The following SCRG1 variants were observed in gnomAD, a reference collection of about 807,000 sequenced individuals.
SCRG1 encodes stimulator of chondrogenesis 1.
SCRG1 carries 3 observed loss-of-function variants against 7.7 expected under a neutral mutation model. The observed-to-expected ratio is 0.39, with a 90% CI of 0.18 to 1.01. SCRG1 has a LOEUF of 1.01. SCRG1 is among the 50% of genes least tolerant of loss of function. The probability of loss-of-function intolerance (pLI) is 0.36; values close to 1 mark genes in which losing one functional copy is unlikely to be tolerated. For synonymous variants in SCRG1, 46 were observed against 41.2 expected, an observed-to-expected ratio of 1.12 and a Z score of -0.44; for missense variants, 110 against 117.2, an observed-to-expected ratio of 0.94 and a Z score of 0.28.
the SCRG1 span, among the ~76,000 whole-genome samples, chr4:173,504,266 T>C: frequency 5.3e-5 from 8 of 152,226 alleles, no homozygotes; most frequent in African/African-American, 1.9e-4. The surrounding 1 kb of genome is among the most constrained non-coding windows in gnomAD (Gnocchi z 4.7). Context: ...TCACCAGGGA[T>C]GGCAAGGAGC....
the SCRG1 span, among the ~76,000 whole-genome samples, chr4:173,458,875 C>A: frequency 6.6e-6 from 1 of 152,030 alleles, no homozygotes; most frequent in Non-Finnish European, 1.5e-5. Context: ...AAACTCACTT[C>A]ACTTATAAAG....
the SCRG1 span, among the ~76,000 whole-genome samples, chr4:173,434,833 A>G: frequency 6.6e-5 from 10 of 152,120 alleles, no homozygotes; most frequent in Admixed American, 2.0e-4. Context: ...TCCGTCTCTA[A>G]ATAAATAAAT....
At chr4:173,434,816 G>A in the SCRG1 span, among the ~76,000 whole-genome samples, 1 of 152,188 alleles carries the variant, frequency 6.6e-6, no homozygotes, top group African/African-American at 2.4e-5. Flanking sequence ...GGGCAACAGA[G>A]TGAGACTCCG....
chr4:173,413,522 C>G, the SCRG1 span, among the ~76,000 whole-genome samples: 1 of 152,154 alleles, frequency 6.6e-6, no homozygotes, highest in East Asian at 1.9e-4. Context: ...ATCAGAGGAG[C>G]TAATAAGAAC....
chr4:173,495,069 G>A, the SCRG1 span, among the ~76,000 whole-genome samples: 1 of 152,194 alleles, frequency 6.6e-6, no homozygotes, highest in African/African-American at 2.4e-5. Context: ...ATGAAAAATA[G>A]GGAAAACAGG....
At chr4:173,500,412 G>A in the SCRG1 span, among the ~76,000 whole-genome samples, 1 of 152,172 alleles carries the variant, frequency 6.6e-6, no homozygotes, top group African/African-American at 2.4e-5. Context: ...ACGGGCGAAG[G>A]AGATGCCCAT....
the SCRG1 span, among the ~76,000 whole-genome samples, chr4:173,470,672 C>T: frequency 6.6e-6 from 1 of 152,270 alleles, no homozygotes; most frequent in Non-Finnish European, 1.5e-5. Flanking sequence ...AATTAAGTAA[C>T]TTGATTTGTT....
chr4:173,517,508 A>G, the SCRG1 span, among the ~76,000 whole-genome samples: 3 of 152,154 alleles, frequency 2.0e-5, no homozygotes, highest in South Asian at 6.2e-4. Context: ...GGGCTGAAAT[A>G]AGGGGTTCAC....
the SCRG1 span, among the ~76,000 whole-genome samples, chr4:173,470,852 T>C: frequency 3.3e-5 from 5 of 152,226 alleles, no homozygotes; most frequent in Admixed American, 3.3e-4. Context: ...GAAAACATTT[T>C]AAAAATTCCT....
the SCRG1 span, among the ~76,000 whole-genome samples, chr4:173,440,127 G>T: frequency 6.6e-6 from 1 of 152,140 alleles, no homozygotes; most frequent in Non-Finnish European, 1.5e-5. Flanking sequence ...AAGCGCTACA[G>T]GTTTCTTTTT....
chr4:173,506,057 A>G, the SCRG1 span, among the ~76,000 whole-genome samples: 88 of 152,294 alleles, frequency 5.8e-4, no homozygotes, highest in African/African-American at 1.9e-3. The surrounding 1 kb of genome is among the most constrained non-coding windows in gnomAD (Gnocchi z 5.3). Flanking sequence ...CTCAATTTAG[A>G]TGGTGTGAGT....
the SCRG1 span, among the ~76,000 whole-genome samples, chr4:173,493,172 G>C: frequency 6.6e-6 from 1 of 152,066 alleles, no homozygotes; most frequent in African/African-American, 2.4e-5. Context: ...ACATGTCAGG[G>C]GAGGGGCTTG....
the SCRG1 span, among the ~76,000 whole-genome samples, chr4:173,444,029 A>G: frequency 4.0e-5 from 6 of 149,458 alleles, no homozygotes; most frequent in South Asian, 4.2e-4. Flanking sequence ...GCTGGAGTGC[A>G]ATGGTGTGAT....
chr4:173,476,178 TG>T, the SCRG1 span, among the ~76,000 whole-genome samples: 1 of 151,300 alleles, frequency 6.6e-6, no homozygotes, highest in East Asian at 1.9e-4. Context: ...GTTTTGCCCT[TG>T]GTACCAAAAT....
intron 2 of SCRG1, among the ~76,000 whole-genome samples, chr4:173,390,620 A>C (rs1001092596): frequency 6.6e-6 from 1 of 151,832 alleles, no homozygotes; most frequent in African/African-American, 2.4e-5. Context: ...TTACAGGCAC[A>C]TGCCACCACG....
intron 2 of SCRG1, among the ~76,000 whole-genome samples, chr4:173,390,461 TG>T (rs1321827634): frequency 6.6e-6 from 1 of 151,238 alleles, no homozygotes. Flanking sequence ...AGTTTTTTGT[TG>T]TTGTTGTTCG....
the SCRG1 span, among the ~76,000 whole-genome samples, chr4:173,501,325 G>C: frequency 1.3e-5 from 2 of 152,210 alleles, no homozygotes; most frequent in African/African-American, 4.8e-5. The surrounding 1 kb of genome is among the most constrained non-coding windows in gnomAD (Gnocchi z 5.1). Flanking sequence ...CTCTAGTCAC[G>C]GTCAAGCCCT....
chr4:173,420,215 T>G, the SCRG1 span: 1 of 341,668 alleles, frequency 2.9e-6, no homozygotes, highest in Non-Finnish European at 5.6e-6. Context: ...AGGGCCCTTT[T>G]CTGTACTTTT....
the SCRG1 span, among the ~76,000 whole-genome samples, chr4:173,432,903 CT>C: frequency 6.6e-6 from 1 of 152,098 alleles, no homozygotes; most frequent in East Asian, 1.9e-4. Context: ...AGCTGGTGGT[CT>C]TTGTTATAGC....
Sources: allele counts gnomAD v4.1 joint callset (sites outside exome capture counted in the v4.1 genomes callset), GRCh38; gene constraint gnomAD v4.1.1; non-coding constraint Gnocchi (gnomAD v3.1); transcripts MANE v1.5; gene names NCBI Gene and HGNC (gene_info 2026-07-23, HGNC 2026-07-21).